Variants in KAZN observed in about 807,000 individuals in gnomAD.
The protein encoded by KAZN is kazrin, periplakin interacting protein.
In KAZN, 40 loss-of-function variants were observed where a neutral mutation model predicts 87.4. That is an observed-to-expected ratio of 0.46 (90% confidence interval 0.36 to 0.60). The LOEUF (loss-of-function observed/expected upper bound fraction) is 0.60, where lower values mean the gene tolerates loss of function less well. Among genes scored for constraint, KAZN ranks in the 20% least tolerant of loss-of-function variants. The pLI is 0.00. For missense variants in KAZN, 898 were observed against 1,073.9 expected, an observed-to-expected ratio of 0.84 and a Z score of 2.29; for synonymous variants, 466 against 458.3, an observed-to-expected ratio of 1.02 and a Z score of -0.22.
At chr1:14,165,537 G>A (rs995388256) in intron 1 of KAZN, among the ~76,000 whole-genome samples, 1 of 152,126 alleles carries the variant, frequency 6.6e-6, no homozygotes, top group African/African-American at 2.4e-5. Flanking sequence ...CCACAAGGCT[G>A]CATCTGGTCT....
chr1:14,330,547 G>A (rs1656770473), intron 2 of KAZN, among the ~76,000 whole-genome samples: 1 of 152,184 alleles, frequency 6.6e-6, no homozygotes, highest in South Asian at 2.1e-4. Context: ...TATTTGACCT[G>A]TACTGATGTG....
At chr1:14,557,178 C>T (rs58088467) in intron 2 of KAZN, among the ~76,000 whole-genome samples, 34,125 of 152,032 alleles carry the variant, frequency 0.22, 3,898 homozygotes, top group Non-Finnish European at 0.25. Flanking sequence ...AAATATGATA[C>T]AAAAAAATTA....
intron 1 of KAZN, among the ~76,000 whole-genome samples, chr1:14,642,391 C>T (rs1349437013): frequency 2.0e-5 from 3 of 152,106 alleles, no homozygotes; most frequent in African/African-American, 7.2e-5. Flanking sequence ...CAGAGTGAGA[C>T]TCCATCTCAA....
At chr1:14,589,239 T>C (rs1187526161) in intron 2 of KAZN, among the ~76,000 whole-genome samples, 2 of 152,038 alleles carry the variant, frequency 1.3e-5, no homozygotes, top group Non-Finnish European at 2.9e-5. Flanking sequence ...AGCTCCCTCT[T>C]GAACTGCAGA....
At chr1:15,104,951 G>A (rs1038108838) in intron 13 of KAZN, among the ~76,000 whole-genome samples, 1 of 152,158 alleles carries the variant, frequency 6.6e-6, no homozygotes, top group African/African-American at 2.4e-5. Flanking sequence ...TCAATATGGT[G>A]TATTATATTG....
Position 15,066,644 on chromosome 1 carries a change from A to C in KAZN, c.1222+891A>C. On this transcript the variant is annotated intron_variant, in intron 8 of 14. Transcript: ENST00000376030. This position sits in a 1 kb window ranked among gnomAD's most constrained non-coding sequence, Gnocchi z 4.3. ...TTATTCTATCTAAATTATTACATAA[A>C]TATTGGAATGTCTATTTTTCCATGG... is the stretch of plus-strand genomic sequence containing the variant. The C allele has an allele frequency of 1.0e-6, 1 of 981,340 alleles. No homozygotes were observed. Among genetic ancestry groups the C allele is most frequent in the South Asian group, 4.7e-5 (1 of 21,218 alleles). The allele number at this position is 981,340 out of a possible 1,614,324, so 60.8% of individuals were successfully genotyped here.
chr1:13,983,497 C>G (rs1227067815), intron 1 of KAZN, among the ~76,000 whole-genome samples: 4 of 152,220 alleles, frequency 2.6e-5, no homozygotes, highest in African/African-American at 9.6e-5. Flanking sequence ...GGAACTCTAG[C>G]TGGCCCGCAA....
intron 2 of KAZN, among the ~76,000 whole-genome samples, chr1:14,291,360 C>T (rs1288225290): frequency 2.0e-5 from 3 of 152,168 alleles, no homozygotes; most frequent in Non-Finnish European, 4.4e-5. Context: ...CTTCCCTGGC[C>T]GCTTTGTTTA....
chr1:14,839,479 C>T (rs1340134863), intron 1 of KAZN, among the ~76,000 whole-genome samples: 2 of 152,148 alleles, frequency 1.3e-5, no homozygotes, highest in East Asian at 3.9e-4. Context: ...AAAAATGTGA[C>T]CAAAGCAAGC....
chr1:14,075,819 C>A (rs1021714645), intron 1 of KAZN, among the ~76,000 whole-genome samples: 1 of 152,134 alleles, frequency 6.6e-6, no homozygotes, highest in Non-Finnish European at 1.5e-5. Context: ...GGCCTCTGCC[C>A]ACCGGACGTC....
intron 2 of KAZN, among the ~76,000 whole-genome samples, chr1:14,564,133 A>C (rs1171986810): frequency 1.3e-5 from 2 of 151,914 alleles, no homozygotes; most frequent in African/African-American, 4.8e-5. Flanking sequence ...CTTAAGTCCT[A>C]CCTTCCTATC....
chr1:14,411,810 C>T (rs1664328059), intron 2 of KAZN, among the ~76,000 whole-genome samples: 2 of 152,026 alleles, frequency 1.3e-5, no homozygotes, highest in African/African-American at 4.8e-5. Flanking sequence ...ATGAAAATAC[C>T]AGACAGTAAT....
intron 2 of KAZN, among the ~76,000 whole-genome samples, chr1:14,482,000 G>A (rs999358161): frequency 6.6e-6 from 1 of 152,232 alleles, no homozygotes; most frequent in African/African-American, 2.4e-5. Flanking sequence ...GCTCAGAGTG[G>A]CTTAGGGACA....
chr1:14,286,247 ACTT>A lies in KAZN; in HGVS notation c.249+105661_249+105663del, dbSNP rs570234677. 5.3e-5 allele frequency among the ~76,000 whole-genome samples: 8 copies of A among 152,346 alleles called. No homozygotes were observed. The South Asian group carries it at 1.7e-3, about 32-fold the overall frequency. On this transcript the variant is annotated intron_variant, in intron 2 of 16. Transcript: ENST00000636203. Reference sequence around the variant, plus strand: ...GGCTACATTCTCCCCGTGTCTACACACTTCTTCTGTGTGTTTCTGCATTCTTAT... The same window carrying A: ...GGCTACATTCTCCCCGTGTCTACACACTTCTGTGTGTTTCTGCATTCTTAT...
intron 1 of KAZN, among the ~76,000 whole-genome samples, chr1:14,826,386 G>C (rs1179195014): frequency 7.2e-5 from 11 of 152,366 alleles, no homozygotes; most frequent in Admixed American, 7.2e-4. Context: ...TAGAGTTTCT[G>C]ATAAACACAG....
chr1:14,029,770 A>G, intron 1 of KAZN, among the ~76,000 whole-genome samples: 1 of 151,558 alleles, frequency 6.6e-6, no homozygotes, highest in East Asian at 1.9e-4. Context: ...GGTTTGTCAA[A>G]GATCAGATAG....
chr1:14,231,263 T>C (rs891906148), intron 2 of KAZN, among the ~76,000 whole-genome samples: 2 of 152,222 alleles, frequency 1.3e-5, no homozygotes, highest in Non-Finnish European at 2.9e-5. Flanking sequence ...TCCTGAGATA[T>C]AAATGCAATC....
At chr1:14,973,659 G>A (rs906673559) in intron 2 of KAZN, among the ~76,000 whole-genome samples, 13 of 152,138 alleles carry the variant, frequency 8.5e-5, no homozygotes, top group South Asian at 2.1e-4. Context: ...TACTGATAAC[G>A]CTTGGTACTG....
At chr1:15,097,515 C>T (rs1295070418) in intron 10 of KAZN, among the ~76,000 whole-genome samples, 1 of 152,156 alleles carries the variant, frequency 6.6e-6, no homozygotes, top group Non-Finnish European at 1.5e-5. Flanking sequence ...GACATGCTTA[C>T]TCCCATTTTA....
Sources: allele counts gnomAD v4.1 joint callset (sites outside exome capture counted in the v4.1 genomes callset), GRCh38; gene constraint gnomAD v4.1.1; non-coding constraint Gnocchi (gnomAD v3.1); transcripts MANE v1.5; gene names NCBI Gene and HGNC (gene_info 2026-07-23, HGNC 2026-07-21).